Variants in SLC16A6 observed in about 807,000 individuals in gnomAD.
SLC16A6 encodes the protein monocarboxylate transporter 7.
In SLC16A6, 15 loss-of-function variants were observed where a neutral mutation model predicts 33.8. The ratio of observed to expected loss-of-function variants is 0.44; its 90% CI spans 0.30 to 0.68. SLC16A6 has a LOEUF of 0.68. Among genes scored for constraint, SLC16A6 ranks in the 30% least tolerant of loss-of-function variants. The probability of loss-of-function intolerance (pLI) is 0.10; values close to 1 mark genes in which losing one functional copy is unlikely to be tolerated. For synonymous variants in SLC16A6, 219 were observed against 248.4 expected (o/e 0.88, Z 1.11); for missense variants, 451 against 661.5 (o/e 0.68, Z 3.49).
chr17:68,272,703 T>A lies in SLC16A6; in HGVS notation c.441A>T (p.Arg147Ser), dbSNP rs781930279. The A allele has an allele frequency of 1.2e-6, 2 of 1,614,206 alleles. No homozygotes were observed. Residue 147 changes from arginine to serine, a missense_variant, in exon 4 of 6, where the codon AGA becomes AGT. Arg to Ser is a moderately radical substitution (Grantham distance 110). This residue lies in a region of SLC16A6 where 405 missense variants were observed against 510.7 expected (regional missense o/e 0.79). Transcript: ENST00000580666. ...VTILSQYFGK[R>S]RSIVTAVAST... ...AAGCAACTGCAGTGACTATGGAACG[T>A]CTTTTGCCAAAATATTGTGATAGGA...
intron 3 of SLC16A6, among the ~76,000 whole-genome samples, 166 bp from the exon 4 acceptor site, chr17:68,272,933 C>T (rs782548813): frequency 4.4e-4 from 66 of 151,672 alleles, no homozygotes; most frequent in Non-Finnish European, 7.9e-4. Flanking sequence ...AAATGGGTTT[C>T]ATTAACGGTC....
chr17:68,267,648 G>T lies in SLC16A6; in HGVS notation c.*1448C>A, dbSNP rs1419962436. On this transcript the variant is annotated 3_prime_UTR_variant, in exon 6 of 6. Transcript: ENST00000580666. ...ACCATCACCTGCAGGGTGAGATTGT[G>T]GTAAAATAGGTGAGTAAAAAGTCCA... 1 of 152,072 alleles carries T rather than the reference G, an allele frequency of 6.6e-6. No individual in the cohort carries two copies. Among genetic ancestry groups the T allele is most frequent in the South Asian group, 2.1e-4 (1 of 4,830 alleles). The allele number at this position is 152,072 out of a possible 1,614,324, so 9.4% of individuals were successfully genotyped here. A position where few individuals can be genotyped will look rare whatever the true frequency, so the allele number is the denominator to read the frequency against.
chr17:68,273,112 CAGA>C (rs2075396041), intron 3 of SLC16A6, among the ~76,000 whole-genome samples: 1 of 151,474 alleles, frequency 6.6e-6, no homozygotes. Context: ...TTCATATGTG[CAGA>C]AATACAGGAA....
At chr17:68,279,953 G>A (rs1188358034) in intron 1 of SLC16A6, among the ~76,000 whole-genome samples, 10 of 152,184 alleles carry the variant, frequency 6.6e-5, no homozygotes, top group Non-Finnish European at 1.3e-4. Context: ...AGGCCAAAGC[G>A]GGTGGATCAC....
chr17:68,290,423 C>T (rs2075945852), intron 1 of SLC16A6, among the ~76,000 whole-genome samples: 1 of 152,268 alleles, frequency 6.6e-6, no homozygotes. Context: ...GCGACACCAG[C>T]GCTTTCCTGC....
At chr17:68,274,171 C>G in intron 2 of SLC16A6, 101 bp from the exon 3 acceptor site, 1 of 1,317,248 alleles carries the variant, frequency 7.6e-7, no homozygotes, top group Non-Finnish European at 1.1e-6. Context: ...GAGATGATGT[C>G]GAATATAAAT....
At position 68,278,196 on chromosome 17, in the gene SLC16A6, A is replaced by G; in HGVS notation, c.125T>C (p.Ile42Thr). 6.2e-7 allele frequency: 1 copy of G among 1,614,066 alleles called. No homozygotes were observed. The change falls in exon 2 of 6, where the codon ATC (isoleucine) becomes ACC (threonine). Residue 42 changes from isoleucine (I) to threonine (T), a missense_variant. By Grantham distance (89) the Ile-to-Thr change is moderately conservative. This residue lies in a region of SLC16A6 where 405 missense variants were observed against 510.7 expected (regional missense o/e 0.79). Coordinates refer to ENST00000580666, the MANE Select transcript of SLC16A6 (RefSeq NM_004694.5). The stretch of plus-strand genomic sequence containing the variant: ...ATTAAAGAAGACACCAAATGTCTTG[A>G]TGATGCCGTAGGTGAAGACTTCAAC... The part of the protein sequence containing the change: ...FFVEVFTYGI[I>T]KTFGVFFNDL...
At chr17:68,280,109 G>A (rs1480752894) in intron 1 of SLC16A6, among the ~76,000 whole-genome samples, 1 of 149,906 alleles carries the variant, frequency 6.7e-6, no homozygotes, top group Non-Finnish European at 1.5e-5. Flanking sequence ...TTGAACCTGG[G>A]AGGAGGAGGT....
In SLC16A6 at chr17:68,267,695, C is replaced by T. The variant is rs1203704179; in HGVS notation, c.*1401G>A. The T allele has an allele frequency of 6.6e-6, 1 of 152,110 alleles. No homozygotes were observed. The highest frequency in any genetic ancestry group is 1.5e-5 in the Non-Finnish European group (1 of 68,014). 9.4% of individuals were successfully genotyped at this position (152,110 alleles called of 1,614,324 possible). A position where few individuals can be genotyped will look rare whatever the true frequency, so the allele number is the denominator to read the frequency against. ...TCCACCTATTATCCTGACACTTGCC[C>T]TCCTTACAGAAAACTGCTAACGTGA... On this transcript the variant is annotated 3_prime_UTR_variant, in exon 6 of 6. Coordinates refer to ENST00000580666, the MANE Select transcript of SLC16A6 (RefSeq NM_004694.5).
chr17:68,286,575 G>A (rs1237268824), intron 1 of SLC16A6, among the ~76,000 whole-genome samples: 1 of 152,126 alleles, frequency 6.6e-6, no homozygotes, highest in Admixed American at 6.5e-5. Flanking sequence ...CACGATCTTG[G>A]CTCACTGCAA....
chr17:68,280,879 C>A (rs782601249), intron 1 of SLC16A6, among the ~76,000 whole-genome samples: 4 of 152,180 alleles, frequency 2.6e-5, no homozygotes, highest in Non-Finnish European at 4.4e-5. Flanking sequence ...AATCCCAGCA[C>A]TTCGGGATGC....
intron 2 of SLC16A6, among the ~76,000 whole-genome samples, chr17:68,275,109 G>A (rs1411721248): frequency 6.6e-6 from 1 of 152,214 alleles, no homozygotes; most frequent in Non-Finnish European, 1.5e-5. Flanking sequence ...ATGAAAGAAT[G>A]TGAATTCTAA....
chr17:68,284,561 T>G (rs1555753840), intron 1 of SLC16A6, among the ~76,000 whole-genome samples: 1 of 152,158 alleles, frequency 6.6e-6, no homozygotes, highest in Non-Finnish European at 1.5e-5. Context: ...TTATTGAAAG[T>G]AGAAGGCAAC....
At chr17:68,283,981 C>T (rs1331754881) in intron 1 of SLC16A6, among the ~76,000 whole-genome samples, 3 of 151,478 alleles carry the variant, frequency 2.0e-5, no homozygotes, top group Admixed American at 6.6e-5. Context: ...ATCCCAGCTA[C>T]CCAGGAGGCT....
rs934699725 is a variant in SLC16A6, at chr17:68,288,280, G to A, written c.-8+2806C>T. 5.3e-4 allele frequency among the ~76,000 whole-genome samples: 81 copies of A among 152,168 alleles called. 1 individual carries two copies. Among genetic ancestry groups the A allele is most frequent in the African/African-American group, 1.7e-3 (72 of 41,524 alleles). On this transcript the variant is annotated intron_variant, in intron 1 of 5. Transcript: ENST00000580666. ...CTCCCAAAGTGCTGGGATTACAGGCGTGAGCCACTGTGCCCGGCCTTCTCC... is the reference window on the plus strand; with the variant it reads ...CTCCCAAAGTGCTGGGATTACAGGCATGAGCCACTGTGCCCGGCCTTCTCC...
chr17:68,282,565 G>C (rs1284312412), intron 1 of SLC16A6, among the ~76,000 whole-genome samples: 1 of 151,814 alleles, frequency 6.6e-6, no homozygotes, highest in Admixed American at 6.6e-5. Flanking sequence ...TTGGGAAACT[G>C]AGGCTGGAGG....
chr17:68,284,132 C>T (rs1215341499), intron 1 of SLC16A6, among the ~76,000 whole-genome samples: 5 of 139,048 alleles, frequency 3.6e-5, no homozygotes, highest in Non-Finnish European at 4.6e-5. Flanking sequence ...AAAAGCTGGG[C>T]GCAGTGGCTC....
chr17:68,271,366 A>G lies in SLC16A6; in HGVS notation c.794T>C (p.Met265Thr), dbSNP rs782651895. Residue 265 changes from methionine to threonine, a missense_variant, in exon 5 of 6, where the codon ATG (methionine) becomes ACG (threonine). Around this residue, in one of 2 missense-constraint regions of SLC16A6, gnomAD observed 405 missense variants for 510.7 expected, o/e 0.79. Transcript: ENST00000580666. This position sits in a 1 kb window ranked among gnomAD's most constrained non-coding sequence, Gnocchi z 5.3. ...GCTGGTCTTCACCAGGACCTGCTGC[A>G]TGTCGGCCTTCGGCTCCAGTTCCAG... The part of the protein sequence containing the change: ...TNLELEPKAD[M>T]QQVLVKTSPR... 26 of 1,614,138 alleles carry G rather than the reference A, an allele frequency of 1.6e-5. No individual in the cohort carries two copies. Among genetic ancestry groups the G allele is most frequent in the South Asian group, 7.7e-5 (7 of 91,094 alleles).
At chr17:68,284,689 T>C (rs1380770369) in intron 1 of SLC16A6, among the ~76,000 whole-genome samples, 15 of 152,222 alleles carry the variant, frequency 9.9e-5, no homozygotes, top group African/African-American at 3.6e-4. Flanking sequence ...CTGATCTAAC[T>C]TAGTATCATT....
Sources: allele counts gnomAD v4.1 joint callset (sites outside exome capture counted in the v4.1 genomes callset), GRCh38; gene constraint gnomAD v4.1.1; regional missense constraint gnomAD v4.1.1; non-coding constraint Gnocchi (gnomAD v3.1); transcripts MANE v1.5; gene names NCBI Gene and HGNC (gene_info 2026-07-23, HGNC 2026-07-21).